The following IRAG2 variants were observed in gnomAD, a reference collection of about 807,000 sequenced individuals.
IRAG2 encodes the protein lymphoid restricted membrane protein.
In IRAG2, 45 loss-of-function variants were observed where a neutral mutation model predicts 69.9. The ratio of observed to expected loss-of-function variants is 0.64; its 90% CI spans 0.51 to 0.83. The LOEUF is 0.83. Ranked by LOEUF, IRAG2 falls within the 40% of genes least tolerant of loss-of-function variation. IRAG2 has a pLI of 0.00. For synonymous variants in IRAG2, 193 were observed against 202.4 expected (o/e 0.95, Z 0.40); for missense variants, 520 against 587.0 (o/e 0.89, Z 1.18).
At chr12:25,011,209 A>G (rs990114555) in intron 2 of IRAG2, 6 of 517,958 alleles carry the variant, frequency 1.2e-5, no homozygotes, top group African/African-American at 2.0e-5. Flanking sequence ...ACTTTAGCCC[A>G]AGGCCAGTGT....
chr12:25,031,100 A>C, intron 10 of IRAG2: 1 of 980,612 alleles, frequency 1.0e-6, no homozygotes, highest in Non-Finnish European at 1.2e-6. Context: ...CAAAACAGAG[A>C]AGTGAAGAAA....
chr12:25,093,114 A>G (rs1497253), intron 14 of IRAG2: 52,120 of 153,274 alleles, frequency 0.34, 9,536 homozygotes, highest in African/African-American at 0.46. Context: ...ATTCTATTCA[A>G]TGTTTATACT....
chr12:25,054,453 T>C (rs1945098686), intron 1 of IRAG2, among the ~76,000 whole-genome samples: 1 of 152,198 alleles, frequency 6.6e-6, no homozygotes, highest in African/African-American at 2.4e-5. Context: ...TTCCTCACTG[T>C]GATTTTCTTG....
At chr12:25,084,290 C>T (rs1008829417) in intron 10 of IRAG2, among the ~76,000 whole-genome samples, 3 of 151,848 alleles carry the variant, frequency 2.0e-5, no homozygotes, top group African/African-American at 7.3e-5. Context: ...TATAGGAGGG[C>T]AAGGCAGACA....
chr12:25,104,496 A>T (rs566749690), intron 20 of IRAG2, 34 bp downstream of exon 20: 1 of 1,161,812 alleles, frequency 8.6e-7, no homozygotes, highest in East Asian at 2.3e-5. Context: ...TTAACCTGAC[A>T]TGAACTGGGG....
At chr12:25,095,391 G>A (rs750167350) in intron 14 of IRAG2, among the ~76,000 whole-genome samples, 4 of 152,114 alleles carry the variant, frequency 2.6e-5, no homozygotes, top group South Asian at 4.1e-4. Flanking sequence ...TTCTGCATCA[G>A]TTGAAATGAC....
chr12:25,051,298 C>A (rs1461606613), upstream of IRAG2, among the ~76,000 whole-genome samples: 2 of 152,194 alleles, frequency 1.3e-5, no homozygotes, highest in African/African-American at 2.4e-5. Context: ...ACCATTCTTG[C>A]CTCTCATGTG....
intron 7 of IRAG2, chr12:25,023,862 A>G (rs1944601884): frequency 2.5e-6 from 3 of 1,210,714 alleles, no homozygotes; most frequent in African/African-American, 1.6e-5. Flanking sequence ...TTTTCTCACA[A>G]TGAATTAGGA....
chr12:25,004,277 A>G, upstream of IRAG2: 1 of 1,083,056 alleles, frequency 9.2e-7, no homozygotes, highest in Non-Finnish European at 1.2e-6. Context: ...ACTGACTTTT[A>G]AACATGTATC....
Position 25,029,482 on chromosome 12 carries a change from T to C in IRAG2, c.1462-796T>C, listed in dbSNP as rs12578796. 3.5e-3 allele frequency among the ~76,000 whole-genome samples: 533 copies of C among 152,330 alleles called. 20 individuals carry two copies. The East Asian group carries it at 0.085, about 24-fold the overall frequency. ...TGATTATATCCAGTGTATAAGATTA[T>C]GGTGATGATTCTGCTTCTGACCATG... On this transcript the variant is annotated intron_variant, in intron 9 of 38. Coordinates refer to the IRAG2 transcript ENST00000636465.
chr12:25,021,797 G>A (rs1294124439), intron 7 of IRAG2, among the ~76,000 whole-genome samples: 1 of 152,168 alleles, frequency 6.6e-6, no homozygotes, highest in Non-Finnish European at 1.5e-5. Context: ...CAGCCCTGTG[G>A]CAGTCCCTTA....
chr12:25,001,470 A>C (rs962640254), upstream of IRAG2, among the ~76,000 whole-genome samples: 1 of 152,094 alleles, frequency 6.6e-6, no homozygotes, highest in Non-Finnish European at 1.5e-5. Context: ...AAATGAAAAC[A>C]GATGGTTAAA....
intron 6 of IRAG2, among the ~76,000 whole-genome samples, chr12:25,018,326 C>T (rs1451071519): frequency 1.3e-5 from 2 of 151,760 alleles, no homozygotes; most frequent in African/African-American, 2.4e-5. Context: ...TCACCCCCCA[C>T]CCCTCAAGTA....
chr12:25,099,060 C>A (rs1948593089), intron 15 of IRAG2, among the ~76,000 whole-genome samples: 2 of 152,128 alleles, frequency 1.3e-5, no homozygotes, highest in South Asian at 4.1e-4. Context: ...TATTGAAGAG[C>A]CCCAGGACTC....
At chr12:25,075,960 T>C (rs556908701) in intron 6 of IRAG2, among the ~76,000 whole-genome samples, 5 of 152,290 alleles carry the variant, frequency 3.3e-5, no homozygotes, top group African/African-American at 7.2e-5. Context: ...CTGGTTTAAA[T>C]AGAGGTGGCT....
chr12:25,096,151 GTTGA>G (rs1288319542), intron 14 of IRAG2, among the ~76,000 whole-genome samples: 2 of 151,860 alleles, frequency 1.3e-5, no homozygotes, highest in Non-Finnish European at 2.9e-5. Flanking sequence ...AATCAGAAAG[GTTGA>G]TTTTTTTTGA....
At chr12:25,023,875 C>T (rs1944602026) in exon 8 of IRAG2, 1 of 1,224,882 alleles carries the variant, frequency 8.2e-7, no homozygotes, top group Admixed American at 4.2e-5. Context: ...AATTAGGAGA[C>T]AGAAAACCGG....
At chr12:25,011,992 G>T (rs1327608889) in intron 3 of IRAG2, among the ~76,000 whole-genome samples, 1 of 152,016 alleles carries the variant, frequency 6.6e-6, no homozygotes, top group East Asian at 1.9e-4. Flanking sequence ...ATGTAATTTG[G>T]AATCCTAGAA....
intron 3 of IRAG2, among the ~76,000 whole-genome samples, chr12:25,013,866 C>CTTTTTTTTTTTTTTTTTTT (rs71063386): frequency 2.5e-5 from 2 of 79,530 alleles, no homozygotes; most frequent in Non-Finnish European, 2.2e-5. Context: ...TTTTCTTTTT[C>CTTTTTTTTTTTTTTTTTTT]TTTTTTTTTT....
Sources: allele counts gnomAD v4.1 joint callset (sites outside exome capture counted in the v4.1 genomes callset), GRCh38; gene constraint gnomAD v4.1.1; transcripts MANE v1.5; gene names NCBI Gene and HGNC (gene_info 2026-07-23, HGNC 2026-07-21).